GNB4: variants seen among roughly 807,000 people sequenced by gnomAD.
The protein encoded by GNB4 is guanine nucleotide-binding protein subunit beta-4.
GNB4 carries 28 observed loss-of-function variants against 45.2 expected under a neutral mutation model. The observed-to-expected ratio is 0.62, with a 90% CI of 0.46 to 0.85. The LOEUF is 0.85. GNB4 is among the 40% of genes least tolerant of loss of function. The probability of loss-of-function intolerance (pLI) is 0.00; values close to 1 mark genes in which losing one functional copy is unlikely to be tolerated. For synonymous variants in GNB4, 132 were observed against 143.7 expected (o/e 0.92, Z 0.58); for missense variants, 321 against 425.4 (o/e 0.75, Z 2.16).
chr3:179,480,874 C>T, the GNB4 span, among the ~76,000 whole-genome samples: 1 of 131,934 alleles, frequency 7.6e-6, no homozygotes, highest in East Asian at 2.2e-4. Flanking sequence ...TTTTTTGAGA[C>T]GGAGTCTTGC....
chr3:179,448,436 G>A (rs2108624147), intron 1 of GNB4, among the ~76,000 whole-genome samples: 1 of 149,798 alleles, frequency 6.7e-6, no homozygotes, highest in South Asian at 2.1e-4. Context: ...TATTTTTTCA[G>A]TTCTTTAATC....
chr3:179,507,366 G>C, the GNB4 span, among the ~76,000 whole-genome samples: 1 of 151,918 alleles, frequency 6.6e-6, no homozygotes, highest in Admixed American at 6.6e-5. Context: ...TCACTGAAAG[G>C]GAGAAAGAAA....
At chr3:179,527,398 G>A in the GNB4 span, among the ~76,000 whole-genome samples, 1 of 152,152 alleles carries the variant, frequency 6.6e-6, no homozygotes, top group African/African-American at 2.4e-5. Flanking sequence ...ACAAAAGTAG[G>A]AATTGAGATG....
chr3:179,498,757 T>TG, the GNB4 span, among the ~76,000 whole-genome samples: 1 of 145,846 alleles, frequency 6.9e-6, no homozygotes, highest in East Asian at 2.1e-4. Context: ...TGGTTTTTTT[T>TG]TTTTTTTTTT....
intron 4 of GNB4, among the ~76,000 whole-genome samples, chr3:179,419,073 T>C (rs909270979): frequency 6.6e-6 from 1 of 152,254 alleles, no homozygotes; most frequent in African/African-American, 2.4e-5. Context: ...TCAATACGTA[T>C]TTGCTTATGA....
chr3:179,489,009 A>ATATATAT, the GNB4 span, among the ~76,000 whole-genome samples: 34 of 37,366 alleles, frequency 9.1e-4, no homozygotes, highest in African/African-American at 4.0e-3. Flanking sequence ...AAAAAAAAAA[A>ATATATAT]AAAAAAAAAA....
At chr3:179,464,596 A>T in the GNB4 span, 3 of 1,386,272 alleles carry the variant, frequency 2.2e-6, no homozygotes, top group African/African-American at 4.3e-5. Context: ...AGTCACTCCT[A>T]CGTCCTCAAC....
the GNB4 span, among the ~76,000 whole-genome samples, chr3:179,520,289 G>A: frequency 3.3e-5 from 5 of 151,714 alleles, no homozygotes; most frequent in Admixed American, 6.6e-5. Flanking sequence ...TACCTATCTC[G>A]GCATAATTCT....
the GNB4 span, among the ~76,000 whole-genome samples, chr3:179,494,524 G>A: frequency 6.3e-4 from 93 of 148,788 alleles, no homozygotes; most frequent in South Asian, 6.5e-3. Flanking sequence ...GAAAAAAAAT[G>A]AATGAACAAA....
the GNB4 span, among the ~76,000 whole-genome samples, chr3:179,472,081 T>C: frequency 6.6e-6 from 1 of 152,058 alleles, no homozygotes; most frequent in African/African-American, 2.4e-5. Context: ...ATTTTTTATT[T>C]GGGAAAAACT....
At chr3:179,410,147 G>A (rs910829992) in intron 8 of GNB4, among the ~76,000 whole-genome samples, 8 of 152,200 alleles carry the variant, frequency 5.3e-5, no homozygotes, top group South Asian at 2.1e-4. Flanking sequence ...ATGCAGAACT[G>A]TGAGTCTATT....
At chr3:179,411,591 T>C (rs774377962) in intron 8 of GNB4, among the ~76,000 whole-genome samples, 3 of 152,046 alleles carry the variant, frequency 2.0e-5, no homozygotes, top group Non-Finnish European at 2.9e-5. Flanking sequence ...TCATTCCTCA[T>C]AAAGACTTTA....
the GNB4 span, among the ~76,000 whole-genome samples, chr3:179,516,552 G>T: frequency 2.0e-5 from 3 of 152,204 alleles, no homozygotes; most frequent in Admixed American, 6.5e-5. Flanking sequence ...AGCAGTAGTA[G>T]AATAGCAGAT....
intron 9 of GNB4, among the ~76,000 whole-genome samples, chr3:179,403,319 A>ACCC (rs1381695356): frequency 6.6e-6 from 1 of 152,090 alleles, no homozygotes; most frequent in Non-Finnish European, 1.5e-5. Flanking sequence ...AAAAACTTGG[A>ACCC]AACACAAAAG....
the GNB4 span, among the ~76,000 whole-genome samples, chr3:179,480,330 C>G: frequency 5.9e-5 from 9 of 152,300 alleles, 2 homozygotes; most frequent in South Asian, 2.1e-4. Context: ...ATGGAAATGA[C>G]TCTTAAAGGC....
intron 1 of GNB4, among the ~76,000 whole-genome samples, chr3:179,428,305 C>CT (rs3840488): frequency 0.71 from 107,767 of 152,090 alleles, 38,587 homozygotes; most frequent in African/African-American, 0.79. Flanking sequence ...AATTTTCCAT[C>CT]TTTATTTATG....
At chr3:179,525,457 A>G in the GNB4 span, among the ~76,000 whole-genome samples, 1 of 152,224 alleles carries the variant, frequency 6.6e-6, no homozygotes, top group Admixed American at 6.5e-5. Context: ...GAGAGGGTAG[A>G]GACACGGAGA....
chr3:179,526,918 A>C, the GNB4 span, among the ~76,000 whole-genome samples: 1 of 152,248 alleles, frequency 6.6e-6, no homozygotes, highest in Non-Finnish European at 1.5e-5. Flanking sequence ...AATTAATTTT[A>C]TATATGAACG....
intron 1 of GNB4, among the ~76,000 whole-genome samples, chr3:179,440,699 T>C (rs1490302114): frequency 2.0e-5 from 3 of 152,186 alleles, no homozygotes; most frequent in Non-Finnish European, 4.4e-5. Context: ...ATGTCATCAA[T>C]GCAGAATCTA....
Sources: allele counts gnomAD v4.1 joint callset (sites outside exome capture counted in the v4.1 genomes callset), GRCh38; gene constraint gnomAD v4.1.1; transcripts MANE v1.5; gene names NCBI Gene and HGNC (gene_info 2026-07-23, HGNC 2026-07-21).